Variants in SHROOM2 observed in about 807,000 individuals in gnomAD.
SHROOM2 encodes the protein shroom family member 2, also known as protein Shroom2.
In SHROOM2, 33 loss-of-function variants were observed where a neutral mutation model predicts 75.9. The observed-to-expected ratio is 0.43, with a 90% confidence interval of 0.33 to 0.58. SHROOM2 has a LOEUF of 0.58. Ranked by LOEUF, SHROOM2 falls within the 20% of genes least tolerant of loss-of-function variation. The pLI is 0.04. For synonymous variants in SHROOM2, 655 were observed against 663.6 expected, an observed-to-expected ratio of 0.99 and a Z score of 0.20; for missense variants, 1,434 against 1,461.2, an observed-to-expected ratio of 0.98 and a Z score of 0.30.
At chrX:9,909,291 T>C (rs2084408520) in intron 5 of SHROOM2, among the ~76,000 whole-genome samples, 1 of 112,609 alleles carries the variant, frequency 8.9e-6, no homozygotes, top group South Asian at 3.6e-4. Context: ...ATATATAAAA[T>C]GAATCCACAG....
Position 9,823,026 on chromosome X carries a change from TCTCCTCCTCCTCCTCCTCCTCCTC to T in SHROOM2, c.165+36342_165+36365del, listed in dbSNP as rs1184264540. 1.1e-3 allele frequency among the ~76,000 whole-genome samples: 33 copies of T among 30,435 alleles called. 1 individual carries two copies. The highest frequency in any genetic ancestry group is 3.2e-3 in the African/African-American group (28 of 8,714). 26.4% of individuals were successfully genotyped at this position (30,435 alleles called of 115,157 possible). Reference sequence around the variant, plus strand: ...TTCTTCTTCTTCTTCTCCTTCTCCTTCTCCTCCTCCTCCTCCTCCTCCTCCTCCTCCTCCTCCTCCTCCTCCTCC... The same window carrying T: ...TTCTTCTTCTTCTTCTCCTTCTCCTTCTCCTCCTCCTCCTCCTCCTCCTCC... On this transcript the variant is annotated intron_variant, in intron 1 of 9. Transcript: ENST00000380913.
intron 1 of SHROOM2, chrX:9,818,755 A>G (rs763359299): frequency 1.9e-5 from 9 of 468,843 alleles, no homozygotes; most frequent in South Asian, 5.9e-5. Flanking sequence ...ACATAAATCA[A>G]TGATACCCTC....
chrX:9,806,204 G>A (rs1007562129), intron 1 of SHROOM2, among the ~76,000 whole-genome samples: 1 of 110,651 alleles, frequency 9.0e-6, no homozygotes, highest in African/African-American at 3.3e-5. Flanking sequence ...AGTGAGGAGC[G>A]TTAGGCTTAG....
At chrX:9,902,253 A>G (rs772295230) in intron 5 of SHROOM2, among the ~76,000 whole-genome samples, 1 of 107,653 alleles carries the variant, frequency 9.3e-6, no homozygotes, top group South Asian at 4.2e-4. Context: ...ATGGATAAGT[A>G]GATGGATGGA....
chrX:9,899,159 C>A (rs1276463519), intron 5 of SHROOM2, among the ~76,000 whole-genome samples: 1 of 109,446 alleles, frequency 9.1e-6, no homozygotes, highest in Admixed American at 9.8e-5. Flanking sequence ...CTGAGCTACT[C>A]GTTCAAGCAC....
intron 1 of SHROOM2, among the ~76,000 whole-genome samples, chrX:9,827,031 G>A (rs1192863039): frequency 4.5e-5 from 5 of 109,941 alleles, no homozygotes; most frequent in Admixed American, 3.9e-4. Flanking sequence ...CAGTGCAGTG[G>A]TGAAACCTTG....
chrX:9,829,830 G>A (rs1242252245), intron 1 of SHROOM2, among the ~76,000 whole-genome samples: 2 of 112,045 alleles, frequency 1.8e-5, no homozygotes, highest in Admixed American at 1.9e-4. Flanking sequence ...TAGGTACAAA[G>A]CTTATTTATC....
intron 1 of SHROOM2, among the ~76,000 whole-genome samples, chrX:9,809,114 G>C (rs1170350071): frequency 3.9e-5 from 4 of 103,778 alleles, no homozygotes; most frequent in Admixed American, 1.1e-4. Context: ...GTTCTCTAGA[G>C]AGACAGAACT....
At chrX:9,884,677 TAAAA>T (rs34693829) in intron 2 of SHROOM2, among the ~76,000 whole-genome samples, 23 of 86,505 alleles carry the variant, frequency 2.7e-4, no homozygotes, top group South Asian at 2.6e-3. Context: ...CCCTGTCCTT[TAAAA>T]AAAAAAAAAA....
chrX:9,791,976 G>T (rs1455637291), intron 1 of SHROOM2, among the ~76,000 whole-genome samples: 1 of 31 alleles, frequency 0.032, no homozygotes. Context: ...CTCGAGAATA[G>T]AATAGAATAG....
Position 9,894,858 on chromosome X carries a change from C to T in SHROOM2, c.950C>T (p.Pro317Leu). 8.3e-7 allele frequency: 1 copy of T among 1,211,166 alleles called. No individual in the cohort carries two copies. Among genetic ancestry groups the T allele is most frequent in the Non-Finnish European group, 1.1e-6 (1 of 895,143 alleles). ...AAAGCACCATCATCCCCACCTCCTC[C>T]CCCTCCCCCTCTCCGCAGTGACAGC... ...KKKAPSSPPPPPPPLRSDSFA... is the reference protein window; with the variant it reads ...KKKAPSSPPPLPPPLRSDSFA... Residue 317 changes from proline to leucine, a missense_variant, in exon 4 of 10, where the codon CCC (proline) becomes CTC (leucine). Pro to Leu is a moderately conservative substitution (Grantham distance 98, BLOSUM62 -3). This residue lies in a region of SHROOM2 where 1,340 missense variants were observed against 1,338.3 expected (regional missense o/e 1.00). Transcript: ENST00000380913.
chrX:9,866,269 C>T lies in SHROOM2; in HGVS notation c.166-7383C>T, dbSNP rs762648272. Among the ~76,000 whole-genome samples the T allele has an allele frequency of 4.3e-3, 465 of 108,357 alleles. 1 individual carries two copies. The highest frequency in any genetic ancestry group is 7.0e-3 in the Non-Finnish European group (365 of 52,371). The allele number at this position is 108,357 out of a possible 115,157, so 94.1% of individuals were successfully genotyped here. A position where few individuals can be genotyped will look rare whatever the true frequency, so the allele number is the denominator to read the frequency against. ...ATGAGTCAGGTTTCCTTTCTGAAGA[C>T]GCCGAGCTCAATAAATTAAGCAGAC... On this transcript the variant is annotated intron_variant, in intron 1 of 9. Coordinates refer to ENST00000380913, the MANE Select transcript of SHROOM2 (RefSeq NM_001649.4).
chrX:9,815,533 TTA>T (rs1246524279), intron 1 of SHROOM2, among the ~76,000 whole-genome samples: 1 of 104,257 alleles, frequency 9.6e-6, no homozygotes, highest in South Asian at 4.4e-4. Context: ...TAGAGATCCA[TTA>T]TATATATATA....
At position 9,921,856 on chromosome X, in the gene SHROOM2, T is replaced by C. The variant is rs149012207; in HGVS notation, c.2892-10319T>C. 1.3e-3 allele frequency among the ~76,000 whole-genome samples: 151 copies of C among 112,078 alleles called. 4 individuals are homozygous for C. The East Asian group carries it at 0.038, about 28-fold the overall frequency. On this transcript the variant is annotated intron_variant, in intron 5 of 9. Coordinates refer to ENST00000380913, the MANE Select transcript of SHROOM2 (RefSeq NM_001649.4). Reference sequence around the variant, plus strand: ...CTTTATTCACTCATCTGTCAATGTCTGCTTAGGTGGCTTCCATGCCTTGGC... The same window carrying C: ...CTTTATTCACTCATCTGTCAATGTCCGCTTAGGTGGCTTCCATGCCTTGGC...
At chrX:9,878,832 G>A (rs1001359734) in intron 2 of SHROOM2, among the ~76,000 whole-genome samples, 4 of 108,548 alleles carry the variant, frequency 3.7e-5, no homozygotes, top group African/African-American at 1.3e-4. Context: ...ACTGGAGGAC[G>A]TCAGGTGAAA....
intron 1 of SHROOM2, among the ~76,000 whole-genome samples, chrX:9,846,279 A>G (rs1238067549): frequency 9.5e-6 from 1 of 105,489 alleles, no homozygotes; most frequent in Non-Finnish European, 2.0e-5. Context: ...GCCACCACGC[A>G]CAGCTAATTC....
chrX:9,932,741 C>T lies in SHROOM2; in HGVS notation c.3458C>T (p.Pro1153Leu). The stretch of plus-strand genomic sequence containing the variant: ...CGTCCTCTGCCAGAAGCACTGCTCC[C>T]TCCCAAGCAGCAGCACCTGCGCCTG... ...ASRPLPEALL[P>L]PKQQHLRLQT... The change falls in exon 6 of 10, where the codon CCT (proline) becomes CTT (leucine). Residue 1153 changes from proline to leucine, a missense_variant. Transcript: ENST00000380913. 1.7e-6 allele frequency: 2 copies of T among 1,211,011 alleles called. No homozygotes were observed. The highest frequency in any genetic ancestry group is 2.2e-6 in the Non-Finnish European group (2 of 895,532).
At chrX:9,898,062 C>A in intron 4 of SHROOM2, 128 bp from the exon 5 acceptor site, 2 of 544,620 alleles carry the variant, frequency 3.7e-6, no homozygotes, top group Admixed American at 2.7e-5. Context: ...TTATTTCAGT[C>A]ATCTCAATGA....
chrX:9,912,013 G>A (rs778503657), intron 5 of SHROOM2, among the ~76,000 whole-genome samples: 67 of 108,181 alleles, frequency 6.2e-4, no homozygotes, highest in Non-Finnish European at 1.1e-3. Flanking sequence ...GCTGAGGCAG[G>A]AAGATCACTT....
Sources: gnomAD v4.1 joint callset for allele counts (sites outside exome capture counted in the v4.1 genomes callset) on GRCh38, gnomAD v4.1.1 for gene constraint, gnomAD v4.1.1 regional missense constraint, MANE v1.5 for transcripts, NCBI Gene and HGNC (gene_info 2026-07-23, HGNC 2026-07-21) for gene names.